Variants in TIMP2 observed in about 807,000 individuals in gnomAD.
The protein encoded by TIMP2 is TIMP metallopeptidase inhibitor 2, also known as metalloproteinase inhibitor 2.
Under a neutral mutation model 24.3 loss-of-function variants are expected in TIMP2, and 5 were observed. That is an observed-to-expected ratio of 0.21 (90% CI 0.11 to 0.43). The LOEUF is 0.43. Among genes scored for constraint, TIMP2 ranks in the 20% least tolerant of loss-of-function variants. TIMP2 has a pLI of 1.00. For synonymous variants in TIMP2, 130 were observed against 123.2 expected (o/e 1.06, Z -0.37); for missense variants, 221 against 297.5 (o/e 0.74, Z 1.89).
At chr17:78,903,564 T>C (rs1364771844) in intron 1 of TIMP2, among the ~76,000 whole-genome samples, 1 of 152,154 alleles carries the variant, frequency 6.6e-6, no homozygotes, top group Non-Finnish European at 1.5e-5. Context: ...TCCCTTCTCC[T>C]GTAGGGACAG....
At chr17:78,857,722 A>G (rs1268309882) in intron 3 of TIMP2, 76 bp from the exon 4 acceptor site, 15 of 1,587,798 alleles carry the variant, frequency 9.4e-6, no homozygotes, top group East Asian at 4.5e-5. Flanking sequence ...CACCCGGCGC[A>G]GGGGCGCTGG....
intron 1 of TIMP2, among the ~76,000 whole-genome samples, chr17:78,913,220 G>A (rs1450750463): frequency 6.6e-6 from 1 of 152,062 alleles, no homozygotes; most frequent in Non-Finnish European, 1.5e-5. Flanking sequence ...GAGACCCGCG[G>A]CTCTGCAGGG....
intron 3 of TIMP2, among the ~76,000 whole-genome samples, chr17:78,870,275 G>A (rs113001846): frequency 0.1 from 15,885 of 151,992 alleles, 997 homozygotes; most frequent in African/African-American, 0.15. Flanking sequence ...AATTAGCTGG[G>A]CGTGGTGGCG....
At chr17:78,860,184 A>AAAAAAC (rs934614827) in intron 3 of TIMP2, among the ~76,000 whole-genome samples, 3 of 151,940 alleles carry the variant, frequency 2.0e-5, no homozygotes, top group Non-Finnish European at 2.9e-5. Flanking sequence ...TTCAAAACAA[A>AAAAAAC]AAAAACAAAA....
At chr17:78,923,396 T>TGGGGGGGGGGGGGGGGGGGGGG (rs1255104339) in intron 1 of TIMP2, among the ~76,000 whole-genome samples, 16 of 47,656 alleles carry the variant, frequency 3.4e-4, no homozygotes, top group Admixed American at 6.7e-4. Flanking sequence ...TGGGGCGGGG[T>TGGGGGGGGGGGGGGGGGGGGGG]GGGGGGGGGG....
In TIMP2 at chr17:78,870,911, T is replaced by G; in HGVS notation, c.327A>C (p.Glu109Asp). 1 of 1,613,794 alleles carries G rather than the reference T, an allele frequency of 6.2e-7. No homozygotes were observed. The highest frequency in any genetic ancestry group is 8.5e-7 in the Non-Finnish European group (1 of 1,179,830). The change falls in exon 3 of 5, where the codon GAA becomes GAC. Residue 109 changes from glutamate (E) to aspartate (D), a missense_variant. Physicochemically the swap from Glu to Asp is conservative, Grantham distance 45. Coordinates refer to ENST00000262768, the MANE Select transcript of TIMP2 (RefSeq NM_003255.5). ...GVSLDVGGKKEYLIAGKAEGD... is the reference protein window; with the variant it reads ...GVSLDVGGKKDYLIAGKAEGD... ...ACTCATACACACCTGCAATGAGATA[T>G]TCCTTCTTTCCTCCAACGTCCAGCG...
chr17:78,921,027 G>A (rs748258844), intron 1 of TIMP2, among the ~76,000 whole-genome samples: 11 of 152,298 alleles, frequency 7.2e-5, no homozygotes, highest in Middle Eastern at 3.4e-3. Context: ...TTCGCACAAC[G>A]AGTTGCCAAC....
chr17:78,877,897 G>A (rs1365871503), intron 1 of TIMP2, among the ~76,000 whole-genome samples: 4 of 151,828 alleles, frequency 2.6e-5, no homozygotes, highest in East Asian at 1.9e-4. Flanking sequence ...TAGTAGAGAC[G>A]GGGTTTCACC....
At chr17:78,880,467 G>T (rs553074792) in intron 1 of TIMP2, among the ~76,000 whole-genome samples, 1 of 152,230 alleles carries the variant, frequency 6.6e-6, no homozygotes, top group African/African-American at 2.4e-5. Flanking sequence ...TGGATGGGTT[G>T]CTTGAAGCTA....
In TIMP2 at chr17:78,855,630, T is replaced by G. The variant is rs763090188; in HGVS notation, c.*37A>C. The G allele has an allele frequency of 2.5e-6, 4 of 1,608,716 alleles. No individual in the cohort carries two copies. In the Admixed American group the frequency reaches 6.7e-5, roughly 27 times the overall value. ...GGACCAGTCGAAACCCTTGGAGGCT[T>G]TTTTTGCAGTTGGCCACAGGGGCGT... On this transcript the variant is annotated 3_prime_UTR_variant, in exon 5 of 5. Coordinates refer to ENST00000262768, the MANE Select transcript of TIMP2 (RefSeq NM_003255.5). The surrounding 1 kb of genome is among the most constrained non-coding windows in gnomAD (Gnocchi z 6.0).
chr17:78,913,336 C>T (rs1259839202), intron 1 of TIMP2, among the ~76,000 whole-genome samples: 1 of 152,226 alleles, frequency 6.6e-6, no homozygotes, highest in African/African-American at 2.4e-5. Context: ...GGCTGTGCGG[C>T]TCTGTGAATG....
At chr17:78,918,346 C>T (rs1032902011) in intron 1 of TIMP2, among the ~76,000 whole-genome samples, 2 of 152,162 alleles carry the variant, frequency 1.3e-5, no homozygotes, top group African/African-American at 4.8e-5. Context: ...ATCATCGGGG[C>T]GGGGTCTCTG....
At chr17:78,876,060 A>T (rs773374625) in intron 1 of TIMP2, among the ~76,000 whole-genome samples, 2 of 152,238 alleles carry the variant, frequency 1.3e-5, no homozygotes, top group African/African-American at 2.4e-5. Flanking sequence ...ACTCCAGAAC[A>T]GACGGCTTTG....
chr17:78,901,393 A>AGG (rs1568004469), intron 1 of TIMP2: 1 of 239,850 alleles, frequency 4.2e-6, no homozygotes. Flanking sequence ...AACAAGGAGC[A>AGG]AATCTGAACG....
chr17:78,864,923 G>A (rs2069597536), intron 3 of TIMP2, among the ~76,000 whole-genome samples: 2 of 151,998 alleles, frequency 1.3e-5, no homozygotes, highest in Non-Finnish European at 2.9e-5. Flanking sequence ...GCGTGGTGGT[G>A]CATGCCTGTA....
intron 1 of TIMP2, among the ~76,000 whole-genome samples, chr17:78,885,495 A>C (rs1350969494): frequency 2.6e-5 from 4 of 152,230 alleles, no homozygotes; most frequent in South Asian, 4.1e-4. Context: ...TTTTACAGTC[A>C]AATGAAGGCT....
In TIMP2 at chr17:78,857,516, G is replaced by C; in HGVS notation, c.465+6C>G. On this transcript the variant is annotated splice_donor_region_variant and intron_variant, in intron 4 of 4. Coordinates refer to ENST00000262768, the MANE Select transcript of TIMP2 (RefSeq NM_003255.5). ...CGATGCTCCAGCAGAGGCAGGACCT[G>C]CTTACCTTGCACTCGCAGCCCATCT... 1 of 1,614,104 alleles carries C rather than the reference G, an allele frequency of 6.2e-7. No individual in the cohort carries two copies. Among genetic ancestry groups the C allele is most frequent in the Non-Finnish European group, 8.5e-7 (1 of 1,180,012 alleles).
Position 78,891,573 on chromosome 17 carries a change from G to A in TIMP2, c.131-17654C>T, listed in dbSNP as rs1413942826. On this transcript the variant is annotated intron_variant, in intron 1 of 4. Coordinates refer to ENST00000262768, the MANE Select transcript of TIMP2 (RefSeq NM_003255.5). This position sits in a 1 kb window ranked among gnomAD's most constrained non-coding sequence, Gnocchi z 4.5. ...CTGCAGCTGGAATCAGCTGGCCACA[G>A]CTGCCCGAGGTCTCTCAGCTTCCCC... The A allele has an allele frequency of 5.2e-6, 8 of 1,550,758 alleles. No individual in the cohort carries two copies. Among genetic ancestry groups the A allele is most frequent in the South Asian group, 1.2e-5 (1 of 84,068 alleles).
chr17:78,892,138 C>T (rs1357426491), intron 1 of TIMP2: 3 of 1,550,906 alleles, frequency 1.9e-6, no homozygotes, highest in Non-Finnish European at 2.6e-6. Flanking sequence ...CGTGCAGGTG[C>T]TGTGCCTCCT....
Sources: allele counts gnomAD v4.1 joint callset (sites outside exome capture counted in the v4.1 genomes callset), GRCh38; gene constraint gnomAD v4.1.1; non-coding constraint Gnocchi (gnomAD v3.1); transcripts MANE v1.5; gene names NCBI Gene and HGNC (gene_info 2026-07-23, HGNC 2026-07-21).